DNAH10: variants seen among roughly 807,000 people sequenced by gnomAD.
DNAH10 encodes the protein dynein axonemal heavy chain 10.
A neutral mutation model predicts 506.6 loss-of-function variants in DNAH10; 348 were observed. The ratio of observed to expected loss-of-function variants is 0.69; its 90% CI spans 0.63 to 0.75. The LOEUF is 0.75. Among genes scored for constraint, DNAH10 ranks in the 30% least tolerant of loss-of-function variants. The pLI is 0.00. For missense variants in DNAH10, 5,179 were observed against 5,787.1 expected, an observed-to-expected ratio of 0.89 and a Z score of 3.41; for synonymous variants, 2,059 against 2,198.6, an observed-to-expected ratio of 0.94 and a Z score of 1.78.
Position 123,835,445 on chromosome 12 carries a change from A to G in DNAH10, c.4819A>G (p.Ser1607Gly), listed in dbSNP as rs1456560010. The G allele has an allele frequency of 1.2e-6, 2 of 1,610,492 alleles. No individual in the cohort carries two copies. Among genetic ancestry groups the G allele is most frequent in the Non-Finnish European group, 1.7e-6 (2 of 1,178,158 alleles). ...LVQRKWMYLE[S>G]IFIGGDIRSQ... ...TCAGAGAAAATGGATGTATCTTGAAAGTATTTTTATTGGTGGAGATATAAG... is the reference window on the plus strand; with the variant it reads ...TCAGAGAAAATGGATGTATCTTGAAGGTATTTTTATTGGTGGAGATATAAG... The change falls in exon 28 of 79, where the codon AGT (serine) becomes GGT (glycine). Residue 1607 changes from serine to glycine, a missense_variant. Around this residue, in one of 3 missense-constraint regions of DNAH10, gnomAD observed 4,844 missense variants for 5,430.5 expected, o/e 0.89. Coordinates refer to ENST00000673944, the MANE Select transcript of DNAH10 (RefSeq NM_001372106.1).
intron 16 of DNAH10, among the ~76,000 whole-genome samples, chr12:123,803,130 A>C (rs1462575632): frequency 6.6e-6 from 1 of 152,160 alleles, no homozygotes; most frequent in East Asian, 1.9e-4. Context: ...TTTTGCTGTC[A>C]AGTCGAAGAA....
chr12:123,854,394 G>A (rs761604377), intron 36 of DNAH10, among the ~76,000 whole-genome samples: 7 of 152,142 alleles, frequency 4.6e-5, no homozygotes, highest in African/African-American at 9.7e-5. Context: ...GAGTGAGGCC[G>A]TTTGCAGCAG....
intron 57 of DNAH10, among the ~76,000 whole-genome samples, chr12:123,904,903 C>CT (rs1396677586): frequency 5.3e-5 from 8 of 152,174 alleles, no homozygotes; most frequent in African/African-American, 1.9e-4. Flanking sequence ...ACTGTGTCCT[C>CT]TATCAGCTGT....
intron 52 of DNAH10, among the ~76,000 whole-genome samples, chr12:123,892,416 A>G (rs1345598284): frequency 6.6e-6 from 1 of 152,120 alleles, no homozygotes; most frequent in African/African-American, 2.4e-5. Flanking sequence ...ATGGTGCTAA[A>G]CCATCCATGA....
chr12:123,813,015 A>G (rs1959000923), intron 19 of DNAH10, 149 bp from the exon 20 acceptor site: 3 of 634,178 alleles, frequency 4.7e-6, no homozygotes, highest in Non-Finnish European at 7.9e-6. Context: ...GGAACAAAGG[A>G]TTATGGTAAT....
At chr12:123,855,178 C>T (rs989305974) in intron 36 of DNAH10, among the ~76,000 whole-genome samples, 9 of 152,168 alleles carry the variant, frequency 5.9e-5, no homozygotes, top group African/African-American at 2.2e-4. Context: ...CTTTTCCACT[C>T]CACATCCTGG....
At chr12:123,934,364 T>C (rs1282358344) in intron 77 of DNAH10, 2 of 658,912 alleles carry the variant, frequency 3.0e-6, no homozygotes, top group South Asian at 3.3e-5. Context: ...TGAGGATTCC[T>C]GGGGGAGAGG....
intron 11 of DNAH10, among the ~76,000 whole-genome samples, chr12:123,793,595 C>T (rs972898314): frequency 6.6e-6 from 1 of 152,186 alleles, no homozygotes; most frequent in Non-Finnish European, 1.5e-5. Context: ...GTCTCGGCCT[C>T]CCAAAGTACT....
chr12:123,811,326 C>CTTT (rs113411148), intron 19 of DNAH10, among the ~76,000 whole-genome samples: 3 of 142,542 alleles, frequency 2.1e-5, no homozygotes, highest in African/African-American at 5.1e-5. Context: ...ATTAGTATTA[C>CTTT]TTTTTTTTTT....
At position 123,914,908 on chromosome 12, in the gene DNAH10, C is replaced by G. The variant is rs1203152895; in HGVS notation, c.10631C>G (p.Thr3544Ser). The change falls in exon 62 of 79, where the codon ACC becomes AGC. Residue 3544 changes from threonine (T) to serine (S), a missense_variant. Thr to Ser is a moderately conservative substitution (Grantham distance 58). Around this residue, in one of 3 missense-constraint regions of DNAH10, gnomAD observed 4,844 missense variants for 5,430.5 expected, o/e 0.89. Transcript: ENST00000673944. ...DELSVQNGIL[T>S]TRASRFPLCI... ...CTCTCCGTTCAGAATGGCATCCTCA[C>G]CACCCGGGCCAGCCGCTTCCCTCTG... is the stretch of plus-strand genomic sequence containing the variant. The G allele has an allele frequency of 6.2e-7, 1 of 1,613,246 alleles. No individual in the cohort carries two copies. The highest frequency in any genetic ancestry group is 1.7e-5 in the Admixed American group (1 of 59,972).
At chr12:123,884,628 T>C (rs1330874044) in intron 51 of DNAH10, among the ~76,000 whole-genome samples, 1 of 152,208 alleles carries the variant, frequency 6.6e-6, no homozygotes, top group Non-Finnish European at 1.5e-5. Context: ...CCTCATCACC[T>C]AATCACCTCC....
intron 21 of DNAH10, among the ~76,000 whole-genome samples, chr12:123,817,705 T>C (rs1246752498): frequency 6.6e-6 from 1 of 152,218 alleles, no homozygotes; most frequent in East Asian, 1.9e-4. Context: ...CGTGTCTTTA[T>C]ATGGCTGGCA....
chr12:123,789,376 T>TTGTG (rs368474130), intron 10 of DNAH10, among the ~76,000 whole-genome samples: 84 of 149,602 alleles, frequency 5.6e-4, no homozygotes, highest in African/African-American at 2.0e-3. Flanking sequence ...TCTCACCTCT[T>TTGTG]TGTGTGTGTG....
At position 123,804,822 on chromosome 12, in the gene DNAH10, T is replaced by G. The variant is rs1360228718; in HGVS notation, c.2780-11T>G. The G allele has an allele frequency of 6.2e-7, 1 of 1,606,300 alleles. No individual in the cohort carries two copies. The highest frequency in any genetic ancestry group is 1.1e-5 in the South Asian group (1 of 90,910). On this transcript the variant is annotated splice_polypyrimidine_tract_variant and intron_variant, in intron 17 of 78. Transcript: ENST00000673944. ...TTCGTGGACAGCTCTAACAGACATC[T>G]TTCTCTCCAGGCGTGAAGGAATTTT...
intron 51 of DNAH10, among the ~76,000 whole-genome samples, chr12:123,884,456 TTCCAAGA>T (rs1952643110): frequency 6.6e-6 from 1 of 152,176 alleles, no homozygotes. Flanking sequence ...AGGCTGGGAA[TTCCAAGA>T]TCAGGGTGCC....
At position 123,813,589 on chromosome 12, in the gene DNAH10, T is replaced by G. The variant is rs773095372; in HGVS notation, c.3570T>G (p.Leu1190=). ...AKSWVISLGK[L]LNESAKEELY... ...CCTGGGTGATTTCGCTTGGAAAACT[T>G]CTCAATGAGTCAGCAAAAGAGGAGC... The change falls in exon 20 of 79, where the codon CTT becomes CTG. Residue 1190 remains leucine (L), a synonymous_variant. Coordinates refer to ENST00000673944, the MANE Select transcript of DNAH10 (RefSeq NM_001372106.1). The G allele has an allele frequency of 1.9e-6, 3 of 1,614,070 alleles. No homozygotes were observed. The African/African-American group carries it at 4.0e-5, about 22-fold the overall frequency.
At chr12:123,896,782 A>G (rs1449403492) in intron 54 of DNAH10, among the ~76,000 whole-genome samples, 2 of 152,152 alleles carry the variant, frequency 1.3e-5, no homozygotes, top group Non-Finnish European at 2.9e-5. Context: ...AAAGCCACCA[A>G]TAAGTGATAG....
At chr12:123,860,524 A>C (rs1425395603) in intron 38 of DNAH10, among the ~76,000 whole-genome samples, 3 of 152,182 alleles carry the variant, frequency 2.0e-5, no homozygotes, top group African/African-American at 7.2e-5. Context: ...AGGGATTTAC[A>C]GGCACTGTGG....
rs751802968 is a variant in DNAH10, at chr12:123,838,657, G to A, written c.5104G>A (p.Asp1702Asn). 23 of 1,613,768 alleles carry A rather than the reference G, an allele frequency of 1.4e-5. No individual in the cohort carries two copies. Among genetic ancestry groups the A allele is most frequent in the African/African-American group, 8.0e-5 (6 of 74,916 alleles). ...GTTGCTTAGCATTCTGGGGAGCAGC[G>A]ACCCACTCTGCGTCCAGGAGCACAT... is the stretch of plus-strand genomic sequence containing the variant. ...DELLSILGSSDPLCVQEHMIK... is the reference protein window; with the variant it reads ...DELLSILGSSNPLCVQEHMIK... Residue 1702 changes from aspartate to asparagine, a missense_variant, in exon 29 of 79, where the codon GAC becomes AAC. By Grantham distance (23) the Asp-to-Asn change is conservative. Transcript: ENST00000673944.
Sources: allele counts gnomAD v4.1 joint callset (sites outside exome capture counted in the v4.1 genomes callset), GRCh38; gene constraint gnomAD v4.1.1; regional missense constraint gnomAD v4.1.1; transcripts MANE v1.5; gene names NCBI Gene and HGNC (gene_info 2026-07-23, HGNC 2026-07-21).